Variants in TSNARE1 observed in about 807,000 individuals in gnomAD.
TSNARE1 encodes t-SNARE domain-containing protein 1.
A neutral mutation model predicts 62.0 loss-of-function variants in TSNARE1; 49 were observed. That is an observed-to-expected ratio of 0.79 (90% CI 0.63 to 1.00). TSNARE1 has a LOEUF of 1.00. Among genes scored for constraint, TSNARE1 ranks in the 50% least tolerant of loss-of-function variants. TSNARE1 has a pLI of 0.00. For missense variants in TSNARE1, 755 were observed against 700.1 expected, an observed-to-expected ratio of 1.08 and a Z score of -0.88; for synonymous variants, 328 against 294.4, an observed-to-expected ratio of 1.11 and a Z score of -1.17.
chr8:142,328,384 G>A (rs1031715572), intron 6 of TSNARE1, among the ~76,000 whole-genome samples: 21 of 152,240 alleles, frequency 1.4e-4, no homozygotes, highest in African/African-American at 4.3e-4. Context: ...AAGTTCTTTC[G>A]CAAGCAACTT....
chr8:142,308,979 G>A (rs138280304), intron 9 of TSNARE1, among the ~76,000 whole-genome samples: 21 of 152,282 alleles, frequency 1.4e-4, no homozygotes, highest in African/African-American at 5.1e-4. Flanking sequence ...ATTTCTCTTA[G>A]TAATGTGGCA....
chr8:142,342,876 T>TCCCAGCACCTGC (rs1214086814), intron 4 of TSNARE1, among the ~76,000 whole-genome samples: 1 of 148,748 alleles, frequency 6.7e-6, no homozygotes, highest in Non-Finnish European at 1.5e-5. Flanking sequence ...CGGACACCTG[T>TCCCAGCACCTGC]CCCAGCACCT....
intron 12 of TSNARE1, among the ~76,000 whole-genome samples, chr8:142,244,884 G>C (rs1409123685): frequency 6.6e-6 from 1 of 152,262 alleles, no homozygotes; most frequent in Non-Finnish European, 1.5e-5. Context: ...GGAAGGCATC[G>C]GCCAGAGAGG....
intron 1 of TSNARE1, among the ~76,000 whole-genome samples, chr8:142,378,150 T>C (rs1836478112): frequency 6.6e-6 from 1 of 152,162 alleles, no homozygotes; most frequent in African/African-American, 2.4e-5. Flanking sequence ...CTTGTGCCGA[T>C]TGCCCCAAAC....
At chr8:142,218,861 C>T (rs1367674201) in intron 13 of TSNARE1, among the ~76,000 whole-genome samples, 1 of 152,216 alleles carries the variant, frequency 6.6e-6, no homozygotes, top group Non-Finnish European at 1.5e-5. Context: ...ATTTAACTCT[C>T]TTCTGTGGAT....
At chr8:142,390,232 G>A (rs1195674294) in intron 1 of TSNARE1, among the ~76,000 whole-genome samples, 1 of 152,210 alleles carries the variant, frequency 6.6e-6, no homozygotes, top group Non-Finnish European at 1.5e-5. Context: ...GTACACTTTG[G>A]GGGACTTTAT....
At chr8:142,277,768 G>GAAGT in intron 11 of TSNARE1, 1 of 985,444 alleles carries the variant, frequency 1.0e-6, no homozygotes, top group Non-Finnish European at 1.2e-6. Context: ...AGGGGTCACA[G>GAAGT]AAGTCGAGGC....
At chr8:142,309,067 A>G (rs534109110) in intron 9 of TSNARE1, among the ~76,000 whole-genome samples, 3 of 152,306 alleles carry the variant, frequency 2.0e-5, no homozygotes, top group South Asian at 2.1e-4. Context: ...TAAATTTATT[A>G]TATCAGTCTT....
intron 1 of TSNARE1, among the ~76,000 whole-genome samples, chr8:142,401,642 G>A (rs1838301295): frequency 6.6e-6 from 1 of 152,142 alleles, no homozygotes; most frequent in Non-Finnish European, 1.5e-5. Flanking sequence ...GAAGGTTCCT[G>A]GATAGAGTCA....
chr8:142,232,079 C>A (rs1189864082), intron 12 of TSNARE1, among the ~76,000 whole-genome samples: 3 of 152,260 alleles, frequency 2.0e-5, no homozygotes, highest in African/African-American at 7.2e-5. Context: ...TGCTCCACAT[C>A]ACTGCCAGAC....
rs1823758334 is a variant in TSNARE1, at chr8:142,291,587, C to A, written c.1291-7102G>T. On this transcript the variant is annotated intron_variant, in intron 10 of 13. Coordinates refer to ENST00000524325, the MANE Select transcript of TSNARE1 (RefSeq NM_145003.5). The surrounding 1 kb of genome is among the most constrained non-coding windows in gnomAD (Gnocchi z 4.8). ...TTGTTCATTCAGCAGCCACTGGGTGCCAGGCAGCGTCAGGCCGGTGAGCTG... is the reference window on the plus strand; with the variant it reads ...TTGTTCATTCAGCAGCCACTGGGTGACAGGCAGCGTCAGGCCGGTGAGCTG... Among the ~76,000 whole-genome samples the A allele has an allele frequency of 6.8e-6, 1 of 147,218 alleles. No homozygotes were observed. Among genetic ancestry groups the A allele is most frequent in the African/African-American group, 2.5e-5 (1 of 40,580 alleles).
chr8:142,375,325 C>A (rs931633016), intron 1 of TSNARE1, among the ~76,000 whole-genome samples: 1 of 152,242 alleles, frequency 6.6e-6, no homozygotes, highest in Non-Finnish European at 1.5e-5. Flanking sequence ...CAGAGAGCAG[C>A]AGTGGAGCGG....
intron 12 of TSNARE1, among the ~76,000 whole-genome samples, chr8:142,240,128 G>A: frequency 6.6e-6 from 1 of 152,102 alleles, no homozygotes; most frequent in East Asian, 1.9e-4. Flanking sequence ...CAGAGGCATA[G>A]AAGTACTGAA....
intron 1 of TSNARE1, among the ~76,000 whole-genome samples, chr8:142,373,673 G>C: frequency 6.7e-6 from 1 of 149,368 alleles, no homozygotes. Flanking sequence ...ACAGGAGAGA[G>C]AAAGTGAGTC....
chr8:142,322,679 G>A (rs753866023), intron 6 of TSNARE1, among the ~76,000 whole-genome samples: 19 of 152,234 alleles, frequency 1.2e-4, no homozygotes, highest in Non-Finnish European at 2.2e-4. Context: ...TCCGTGGGCT[G>A]GACGATGACA....
intron 12 of TSNARE1, chr8:142,271,288 G>A (rs1352827991): frequency 4.7e-6 from 5 of 1,070,774 alleles, no homozygotes; most frequent in East Asian, 1.2e-4. Context: ...GGGCCTCCAC[G>A]CCATCGGCCA....
At chr8:142,404,367 A>C (rs1019855527), upstream of TSNARE1, 1 of 152,352 alleles carries the variant, frequency 6.6e-6, no homozygotes, top group Non-Finnish European at 1.5e-5. Context: ...GTTCCTGGAC[A>C]CCAGGTGCAA....
At chr8:142,391,849 T>C (rs1323214435) in intron 1 of TSNARE1, among the ~76,000 whole-genome samples, 2 of 152,152 alleles carry the variant, frequency 1.3e-5, no homozygotes, top group Non-Finnish European at 1.5e-5. Context: ...TCTGGGCTGG[T>C]AGCACGAGCT....
At chr8:142,271,219 T>C in intron 12 of TSNARE1, 2 of 1,000,978 alleles carry the variant, frequency 2.0e-6, no homozygotes, top group South Asian at 4.6e-5. Flanking sequence ...CGTCCTGGAG[T>C]GAGGGTGAGG....
Sources: gnomAD v4.1 joint callset for allele counts (sites outside exome capture counted in the v4.1 genomes callset) on GRCh38, gnomAD v4.1.1 for gene constraint, Gnocchi (gnomAD v3.1) non-coding constraint, MANE v1.5 for transcripts, NCBI Gene and HGNC (gene_info 2026-07-23, HGNC 2026-07-21) for gene names.